GSTA2: variants seen among roughly 807,000 people sequenced by gnomAD.
The protein encoded by GSTA2 is glutathione S-transferase alpha 2.
A neutral mutation model predicts 22.4 loss-of-function variants in GSTA2; 27 were observed. The ratio of observed to expected loss-of-function variants is 1.21; its 90% confidence interval spans 0.89 to 1.67. The LOEUF (loss-of-function observed/expected upper bound fraction) is 1.67, where lower values mean the gene tolerates loss of function less well. GSTA2 is among the 40% of genes most tolerant of loss of function. The pLI is 0.00. For synonymous variants in GSTA2, 121 were observed against 86.8 expected, an observed-to-expected ratio of 1.39 and a Z score of -2.19; for missense variants, 302 against 260.2, an observed-to-expected ratio of 1.16 and a Z score of -1.11.
rs1281853544 is a variant in GSTA2 at position 52,750,369 on chromosome 6, G to A, written c.*208C>T. The stretch of plus-strand genomic sequence containing the variant: ...GAAAATTGTTGGCTAGGAGGAGATT[G>A]GAAAACTGAATTCACATCAGATCCT... On this transcript the variant is annotated 3_prime_UTR_variant, in exon 7 of 7. Coordinates refer to ENST00000493422, the MANE Select transcript of GSTA2 (RefSeq NM_000846.5). The A allele has an allele frequency of 9.8e-6, 4 of 407,516 alleles. No homozygotes were observed. Among genetic ancestry groups the A allele is most frequent in the Non-Finnish European group, 4.3e-6 (1 of 233,266 alleles). 25.2% of individuals were successfully genotyped at this position (407,516 alleles called of 1,614,324 possible).
intron 4 of GSTA2, among the ~76,000 whole-genome samples, chr6:52,754,395 C>T (rs751517084): frequency 9.9e-4 from 151 of 152,220 alleles, no homozygotes; most frequent in African/African-American, 1.6e-3. Context: ...CTGGCTGTTT[C>T]GGCCTTCTAT....
At chr6:52,762,418 G>T (rs1762967279) in intron 1 of GSTA2, among the ~76,000 whole-genome samples, 1 of 152,198 alleles carries the variant, frequency 6.6e-6, no homozygotes, top group South Asian at 2.1e-4. Flanking sequence ...AAGGCTGGAG[G>T]TGAGACATGC....
At chr6:52,753,494 C>T (rs570522970) in intron 4 of GSTA2, among the ~76,000 whole-genome samples, 1 of 152,300 alleles carries the variant, frequency 6.6e-6, no homozygotes, top group Non-Finnish European at 1.5e-5. Flanking sequence ...GCTCCCAGGG[C>T]TGCTTCTATG....
At chr6:52,759,427 G>A (rs1440311978) in intron 1 of GSTA2, among the ~76,000 whole-genome samples, 3 of 152,114 alleles carry the variant, frequency 2.0e-5, no homozygotes, top group Non-Finnish European at 4.4e-5. Context: ...TCCAGTGCCA[G>A]GACTTAGGAA....
chr6:52,753,167 G>T (rs1421922602), intron 4 of GSTA2, among the ~76,000 whole-genome samples, 172 bp from the exon 5 acceptor site: 1 of 148,468 alleles, frequency 6.7e-6, no homozygotes, highest in East Asian at 1.9e-4. Flanking sequence ...TAGTCATTAT[G>T]CTCTGAGTTT....
Position 52,753,248 on chromosome 6 carries a change from G to A in GSTA2, c.273-253C>T, listed in dbSNP as rs115929428. Among the ~76,000 whole-genome samples, 65 of 152,126 alleles carry A rather than the reference G, an allele frequency of 4.3e-4. 1 individual carries two copies. In the South Asian group the frequency reaches 0.012, roughly 29 times the overall value. On this transcript the variant is annotated intron_variant, in intron 4 of 6. Coordinates refer to ENST00000493422, the MANE Select transcript of GSTA2 (RefSeq NM_000846.5). The stretch of plus-strand genomic sequence containing the variant: ...GATAGCTCTCTAAATTTTGTTACAC[G>A]CATGACCTAATACAGGAAGAAGATC...
intron 5 of GSTA2, 65 bp from the exon 6 acceptor site, chr6:52,751,773 C>G: frequency 6.2e-7 from 1 of 1,611,770 alleles, no homozygotes; most frequent in South Asian, 1.1e-5. Flanking sequence ...CTGCTTCTTT[C>G]AGAGCCTCTC....
At chr6:52,756,830 C>G (rs1762853923) in intron 2 of GSTA2, among the ~76,000 whole-genome samples, 1 of 152,244 alleles carries the variant, frequency 6.6e-6, no homozygotes, top group Admixed American at 6.5e-5. Flanking sequence ...TTCACACTTG[C>G]AACTGTAATT....
chr6:52,751,088 A>C (rs1261267179), intron 6 of GSTA2, among the ~76,000 whole-genome samples: 1 of 152,202 alleles, frequency 6.6e-6, no homozygotes. Context: ...AAAATAGTAA[A>C]GACAAACCAT....
At chr6:52,759,359 C>T (rs1030261827) in intron 1 of GSTA2, among the ~76,000 whole-genome samples, 10 of 152,034 alleles carry the variant, frequency 6.6e-5, no homozygotes, top group African/African-American at 2.4e-4. Context: ...GAGACAGATG[C>T]AACTAATTGT....
intron 6 of GSTA2, 28 bp downstream of exon 6, chr6:52,751,549 C>A (rs560907996): frequency 8.1e-6 from 13 of 1,613,684 alleles, no homozygotes; most frequent in Non-Finnish European, 1.0e-5. Flanking sequence ...TGTGGGTCTG[C>A]CTCTCTGAAG....
chr6:52,759,384 T>C (rs149701173), intron 1 of GSTA2, among the ~76,000 whole-genome samples: 58 of 152,100 alleles, frequency 3.8e-4, no homozygotes, highest in African/African-American at 1.3e-3. Flanking sequence ...TGAATGTGAA[T>C]GGAAAGACAC....
Position 52,754,934 on chromosome 6 carries a change from A to G in GSTA2, c.272+9T>C, listed in dbSNP as rs529319152. The G allele has an allele frequency of 8.7e-6, 14 of 1,612,852 alleles. No homozygotes were observed. In the South Asian group the frequency reaches 1.4e-4, roughly 16 times the overall value. On this transcript the variant is annotated intron_variant, in intron 4 of 6. Transcript: ENST00000493422. ...CTCTGTGGATGGAAGAACAGAAAAT[A>G]TACCGTACAGGGCTTTCTCCTTTAT... is the stretch of plus-strand genomic sequence containing the variant.
intron 3 of GSTA2, among the ~76,000 whole-genome samples, chr6:52,755,454 T>C (rs1172613042): frequency 6.6e-6 from 1 of 152,184 alleles, no homozygotes; most frequent in Non-Finnish European, 1.5e-5. Flanking sequence ...ACTGAAGTCA[T>C]CCACCTGCCT....
At chr6:52,761,389 T>C (rs2127291342) in intron 1 of GSTA2, among the ~76,000 whole-genome samples, 1 of 152,314 alleles carries the variant, frequency 6.6e-6, no homozygotes, top group South Asian at 2.1e-4. Flanking sequence ...AATCGTTCTA[T>C]GTATCTATCT....
At chr6:52,756,095 G>A (rs1762838474) in intron 3 of GSTA2, among the ~76,000 whole-genome samples, 163 bp downstream of exon 3, 1 of 152,076 alleles carries the variant, frequency 6.6e-6, no homozygotes, top group Admixed American at 6.6e-5. Context: ...AGAGTTGCCA[G>A]ACTTGCTCAA....
At chr6:52,762,219 G>T (rs1463547239) in intron 1 of GSTA2, among the ~76,000 whole-genome samples, 2 of 152,182 alleles carry the variant, frequency 1.3e-5, no homozygotes, top group African/African-American at 4.8e-5. Flanking sequence ...GGAAGGGAAA[G>T]ACCTGATAGT....
chr6:52,753,438 C>T (rs1295967636), intron 4 of GSTA2, among the ~76,000 whole-genome samples: 1 of 152,160 alleles, frequency 6.6e-6, no homozygotes, highest in Non-Finnish European at 1.5e-5. Flanking sequence ...GAGTCCCTGG[C>T]ACAGCCATCT....
At chr6:52,751,323 C>A (rs533141643) in intron 6 of GSTA2, among the ~76,000 whole-genome samples, 1 of 152,182 alleles carries the variant, frequency 6.6e-6, no homozygotes, top group African/African-American at 2.4e-5. Context: ...GGGAGACATG[C>A]TGGGCCCTGG....
Sources: allele counts gnomAD v4.1 joint callset (sites outside exome capture counted in the v4.1 genomes callset), GRCh38; gene constraint gnomAD v4.1.1; transcripts MANE v1.5; gene names NCBI Gene and HGNC (gene_info 2026-07-23, HGNC 2026-07-21).